JAK1: variants seen among roughly 807,000 people sequenced by gnomAD.
The protein encoded by JAK1 is tyrosine-protein kinase JAK1.
JAK1 carries 16 observed loss-of-function variants against 136.6 expected under a neutral mutation model. That is an observed-to-expected ratio of 0.12 (90% confidence interval 0.08 to 0.18). The LOEUF (loss-of-function observed/expected upper bound fraction) is 0.18. Among genes scored for constraint, JAK1 ranks in the 10% least tolerant of loss-of-function variants. The pLI, the probability that JAK1 is intolerant of heterozygous loss-of-function variation, is 1.00. For synonymous variants in JAK1, 492 were observed against 519.5 expected (o/e 0.95, Z 0.72); for missense variants, 859 against 1,450.1 (o/e 0.59, Z 6.62).
intron 1 of JAK1, among the ~76,000 whole-genome samples, chr1:64,939,121 A>G (rs1468444308): frequency 1.3e-5 from 2 of 152,196 alleles, no homozygotes. Flanking sequence ...TTGGAGAACT[A>G]CTATCTGAAA....
At chr1:65,045,994 G>A (rs1647179954) in intron 1 of JAK1, among the ~76,000 whole-genome samples, 1 of 152,184 alleles carries the variant, frequency 6.6e-6, no homozygotes. Context: ...GAATATGGTT[G>A]TTTAGAAAGT....
At chr1:64,974,604 G>A (rs1646481675) in intron 2 of JAK1, 1 of 152,226 alleles carries the variant, frequency 6.6e-6, no homozygotes, top group African/African-American at 2.4e-5. Flanking sequence ...AAACTCATCA[G>A]ACAGGATTAG....
intron 1 of JAK1, among the ~76,000 whole-genome samples, chr1:65,052,298 T>C (rs1647313448): frequency 6.6e-6 from 1 of 152,002 alleles, no homozygotes; most frequent in African/African-American, 2.4e-5. Context: ...CATCATGTCT[T>C]AAATATGAAA....
chr1:65,026,231 C>T (rs556670), intron 2 of JAK1, among the ~76,000 whole-genome samples: 6 of 151,944 alleles, frequency 3.9e-5, no homozygotes, highest in Admixed American at 6.6e-5. Context: ...GAACCATTAC[C>T]TTATTGAGCC....
chr1:64,993,837 G>C (rs892666233), intron 2 of JAK1, among the ~76,000 whole-genome samples: 4 of 152,080 alleles, frequency 2.6e-5, no homozygotes, highest in African/African-American at 9.7e-5. Flanking sequence ...AGTAGAGATG[G>C]GGTTTCGCCA....
intron 1 of JAK1, among the ~76,000 whole-genome samples, chr1:64,918,044 C>G (rs1645429226): frequency 6.6e-6 from 1 of 152,146 alleles, no homozygotes; most frequent in Non-Finnish European, 1.5e-5. Context: ...ACTGCCCTTT[C>G]CTTATACACC....
intron 17 of JAK1, among the ~76,000 whole-genome samples, 156 bp downstream of exon 17, chr1:64,843,908 G>A (rs534917930): frequency 6.6e-6 from 1 of 152,140 alleles, no homozygotes; most frequent in South Asian, 2.1e-4. Flanking sequence ...CGGAAGTTCA[G>A]TTACATTTGT....
At chr1:65,002,778 G>GA (rs1381103883) in intron 2 of JAK1, among the ~76,000 whole-genome samples, 1 of 152,214 alleles carries the variant, frequency 6.6e-6, no homozygotes, top group Non-Finnish European at 1.5e-5. Context: ...CGCCACGATC[G>GA]ATGTGGCCAG....
At chr1:65,033,957 C>G (rs11208569) in intron 2 of JAK1, among the ~76,000 whole-genome samples, 15,644 of 152,126 alleles carry the variant, frequency 0.1, 1,033 homozygotes, top group African/African-American at 0.17. Flanking sequence ...AAGGAGTAGA[C>G]ATAATGTGCC....
chr1:64,842,972 C>T lies in JAK1; in HGVS notation c.2403+1092G>A, dbSNP rs142646700. Among the ~76,000 whole-genome samples the T allele has an allele frequency of 6.0e-3, 920 of 152,254 alleles. 8 individuals carry two copies. Among genetic ancestry groups the T allele is most frequent in the African/African-American group, 0.015 (641 of 41,536 alleles). On this transcript the variant is annotated intron_variant, in intron 17 of 24. Transcript: ENST00000342505. Reference sequence around the variant, plus strand: ...ACATGGGGCTCCCATTGCTGAGAGACTCGGGGCCCCTGTCTCCCTCCAGGT... The same window carrying T: ...ACATGGGGCTCCCATTGCTGAGAGATTCGGGGCCCCTGTCTCCCTCCAGGT...
At chr1:64,839,482 A>T in intron 20 of JAK1, 121 bp downstream of exon 20, 1 of 817,176 alleles carries the variant, frequency 1.2e-6, no homozygotes, top group South Asian at 1.9e-5. Context: ...AGTGTGTGGG[A>T]ACCACCAGCT....
intron 1 of JAK1, among the ~76,000 whole-genome samples, chr1:65,056,960 T>C (rs964493691): frequency 4.0e-5 from 6 of 151,576 alleles, no homozygotes; most frequent in Non-Finnish European, 8.8e-5. Flanking sequence ...CAAATGGTTT[T>C]TCTCTCCCTG....
At chr1:64,858,223 C>T (rs778908006) in intron 9 of JAK1, among the ~76,000 whole-genome samples, 1 of 152,210 alleles carries the variant, frequency 6.6e-6, no homozygotes, top group Non-Finnish European at 1.5e-5. Context: ...TGAGAGAATA[C>T]ATCAGTGAGG....
At chr1:64,877,200 G>A (rs1644686283) in intron 4 of JAK1, among the ~76,000 whole-genome samples, 1 of 152,130 alleles carries the variant, frequency 6.6e-6, no homozygotes, top group African/African-American at 2.4e-5. Flanking sequence ...ATTTCCCAAA[G>A]TAAAACTGGT....
chr1:64,970,305 G>A (rs1646439858), upstream of JAK1, among the ~76,000 whole-genome samples: 1 of 151,418 alleles, frequency 6.6e-6, no homozygotes, highest in South Asian at 2.1e-4. Flanking sequence ...GTTGGGCATG[G>A]TGGTGGGCAC....
chr1:64,854,227 C>T (rs969675295), intron 11 of JAK1, among the ~76,000 whole-genome samples: 1 of 152,180 alleles, frequency 6.6e-6, no homozygotes, highest in Admixed American at 6.5e-5. Flanking sequence ...GTGCTGCTTC[C>T]TCTGCCCACT....
chr1:64,846,562 G>A (rs139516389), intron 14 of JAK1, 87 bp downstream of exon 14: 31 of 935,430 alleles, frequency 3.3e-5, no homozygotes, highest in African/African-American at 2.7e-4. Flanking sequence ...CCTGGGCAAC[G>A]TGAGGGTGGG....
At chr1:64,899,511 T>C (rs1645073052) in intron 1 of JAK1, among the ~76,000 whole-genome samples, 1 of 152,160 alleles carries the variant, frequency 6.6e-6, no homozygotes, top group South Asian at 2.1e-4. Context: ...CTCCCAGAGA[T>C]AGTCACTATT....
At chr1:64,865,234 C>T (rs957386013) in intron 7 of JAK1, among the ~76,000 whole-genome samples, 2 of 152,164 alleles carry the variant, frequency 1.3e-5, no homozygotes, top group Non-Finnish European at 2.9e-5. Context: ...GCAATGTGCA[C>T]GGAAACTCAG....
Sources: allele counts gnomAD v4.1 joint callset (sites outside exome capture counted in the v4.1 genomes callset), GRCh38; gene constraint gnomAD v4.1.1; transcripts MANE v1.5; gene names NCBI Gene and HGNC (gene_info 2026-07-23, HGNC 2026-07-21).